Variants in RIN2 observed in about 807,000 individuals in gnomAD.
RIN2 encodes the protein RAB5 interacting protein 2.
A neutral mutation model predicts 78.0 loss-of-function variants in RIN2; 36 were observed. The observed-to-expected ratio is 0.46, with a 90% CI of 0.35 to 0.61. The LOEUF (loss-of-function observed/expected upper bound fraction) is 0.61. Among genes scored for constraint, RIN2 ranks in the 20% least tolerant of loss-of-function variants. RIN2 has a pLI of 0.00. For synonymous variants in RIN2, 466 were observed against 466.8 expected, an observed-to-expected ratio of 1.00 and a Z score of 0.02; for missense variants, 1,087 against 1,159.7, an observed-to-expected ratio of 0.94 and a Z score of 0.91.
At chr20:19,842,188 A>G (rs934037129) in intron 2 of RIN2, among the ~76,000 whole-genome samples, 4 of 145,890 alleles carry the variant, frequency 2.7e-5, no homozygotes, top group African/African-American at 7.6e-5. Context: ...ATGACAGCAC[A>G]TCTGCTTTTT....
At position 19,928,610 on chromosome 20, in the gene RIN2, C is replaced by G. The variant is rs544021737; in HGVS notation, c.58-6489C>G. 3.0e-4 allele frequency among the ~76,000 whole-genome samples: 45 copies of G among 152,328 alleles called. 1 individual carries two copies. The highest frequency in any genetic ancestry group is 2.0e-3 in the Admixed American group (30 of 15,310). Reference sequence around the variant, plus strand: ...CCAGGCCCAGCCCTGGGTGTGACCTCAAAGGGCTGGGAAAGAACTTGGGCC... The same window carrying G: ...CCAGGCCCAGCCCTGGGTGTGACCTGAAAGGGCTGGGAAAGAACTTGGGCC... On this transcript the variant is annotated intron_variant, in intron 3 of 12. Transcript: ENST00000255006.
At chr20:19,796,879 AT>A (rs2035073461) in intron 1 of RIN2, among the ~76,000 whole-genome samples, 1 of 152,180 alleles carries the variant, frequency 6.6e-6, no homozygotes, top group Non-Finnish European at 1.5e-5. Flanking sequence ...ATAAACTGAG[AT>A]TGTTGCAAGG....
chr20:19,992,891 GA>G (rs1415372876), intron 11 of RIN2, among the ~76,000 whole-genome samples: 2 of 152,068 alleles, frequency 1.3e-5, no homozygotes, highest in Non-Finnish European at 2.9e-5. Context: ...TTTTCAAGGT[GA>G]AAACAGTATT....
chr20:19,779,440 A>T lies in RIN2; in HGVS notation c.-162-20182A>T, dbSNP rs181938614. ...AGAGATCATCTCAACTCATTCTTAC[A>T]GCACAGTCCTCAGGGCACGGGTCAC... On this transcript the variant is annotated intron_variant, in intron 1 of 12. Coordinates refer to ENST00000255006, the MANE Select transcript of RIN2 (RefSeq NM_018993.4). 1.9e-3 allele frequency among the ~76,000 whole-genome samples: 282 copies of T among 152,280 alleles called. 3 individuals are homozygous for T. The highest frequency in any genetic ancestry group is 9.6e-4 in the Non-Finnish European group (65 of 68,010).
intron 2 of RIN2, among the ~76,000 whole-genome samples, chr20:19,885,723 G>A (rs1288269731): frequency 1.3e-5 from 2 of 151,436 alleles, no homozygotes; most frequent in East Asian, 1.9e-4. Context: ...GAAAATTTTC[G>A]AAGACAGGAG....
intron 4 of RIN2, among the ~76,000 whole-genome samples, chr20:19,954,714 T>C (rs1208449879): frequency 6.6e-6 from 1 of 151,038 alleles, no homozygotes; most frequent in Admixed American, 6.6e-5. Context: ...CTCACCCCTG[T>C]GTCCCTCACC....
intron 2 of RIN2, among the ~76,000 whole-genome samples, chr20:19,868,623 G>A (rs932293627): frequency 6.6e-6 from 1 of 152,130 alleles, no homozygotes; most frequent in South Asian, 2.1e-4. Flanking sequence ...ATCCTGTAGG[G>A]GCACACAGCC....
chr20:19,886,566 G>T (rs1360575911), intron 2 of RIN2: 4 of 650,018 alleles, frequency 6.2e-6, no homozygotes, highest in African/African-American at 3.8e-5. Flanking sequence ...CCAAATGTTT[G>T]CAGTGTCCTT....
In RIN2 at chr20:20,000,693, T is replaced by G. The variant is rs370388173; in HGVS notation, c.2445T>G (p.Thr815=). 34 of 1,613,836 alleles carry G rather than the reference T, an allele frequency of 2.1e-5. No individual in the cohort carries two copies. The highest frequency in any genetic ancestry group is 2.6e-5 in the Non-Finnish European group (31 of 1,179,852). The change falls in exon 13 of 13, where the codon ACT becomes ACG. Residue 815 remains threonine, a synonymous_variant. Coordinates refer to ENST00000255006, the MANE Select transcript of RIN2 (RefSeq NM_018993.4). The part of the protein sequence containing the change: ...KTLLVRPYIT[T]EDVCQICAEK... ...TCCTTGTGAGACCTTACATCACCAC[T>G]GAGGATGTGTGTCAGATCTGCGCTG...
At chr20:19,900,702 G>A (rs373449789) in intron 3 of RIN2, among the ~76,000 whole-genome samples, 2 of 151,772 alleles carry the variant, frequency 1.3e-5, no homozygotes, top group Non-Finnish European at 2.9e-5. Flanking sequence ...TGTAATCCCA[G>A]CACTTTGGGA....
At chr20:19,859,869 T>G (rs943182847) in intron 2 of RIN2, among the ~76,000 whole-genome samples, 4 of 152,136 alleles carry the variant, frequency 2.6e-5, no homozygotes, top group African/African-American at 7.2e-5. Context: ...TGGATTCAAG[T>G]GCAAGTGGTT....
intron 3 of RIN2, among the ~76,000 whole-genome samples, chr20:19,894,397 T>A (rs1292997860): frequency 1.3e-5 from 2 of 152,092 alleles, no homozygotes; most frequent in Non-Finnish European, 2.9e-5. Context: ...TTTAAAAAAA[T>A]TTTTTTAAAT....
intron 2 of RIN2, among the ~76,000 whole-genome samples, chr20:19,865,488 C>CTT (rs58947389): frequency 0.014 from 1,963 of 135,814 alleles, 70 homozygotes; most frequent in African/African-American, 0.047. Flanking sequence ...TACTTTCTTT[C>CTT]TTTTTTTTTT....
chr20:19,836,589 A>G (rs1348458223), intron 2 of RIN2, among the ~76,000 whole-genome samples: 1 of 152,092 alleles, frequency 6.6e-6, no homozygotes, highest in Non-Finnish European at 1.5e-5. Context: ...CAATTAGGAG[A>G]CCATGAGCTC....
At chr20:19,793,960 T>C (rs6046326) in intron 1 of RIN2, among the ~76,000 whole-genome samples, 30,191 of 152,072 alleles carry the variant, frequency 0.2, 4,502 homozygotes, top group African/African-American at 0.42. Flanking sequence ...GGTCCAGTCA[T>C]GAAGATAACA....
At chr20:19,914,451 G>A (rs1226848086) in intron 3 of RIN2, among the ~76,000 whole-genome samples, 2 of 152,182 alleles carry the variant, frequency 1.3e-5, no homozygotes. Flanking sequence ...CCATCAGAAG[G>A]ACATTGCATC....
At position 19,975,595 on chromosome 20, in the gene RIN2, G is replaced by A. The variant is rs774705374; in HGVS notation, c.1570G>A (p.Asp524Asn). The change falls in exon 9 of 13, where the codon GAC becomes AAC. Residue 524 changes from aspartate to asparagine, a missense_variant. Transcript: ENST00000255006. This position sits in a 1 kb window ranked among gnomAD's most constrained non-coding sequence, Gnocchi z 4.9. The stretch of plus-strand genomic sequence containing the variant: ...CCGCAGGATCGCCGAGCTTTCCCGG[G>A]ACAAATGCACCTACTTCGGGTGCTT... The part of the protein sequence containing the change: ...MVRRIAELSR[D>N]KCTYFGCLVQ... 10 of 1,613,870 alleles carry A rather than the reference G, an allele frequency of 6.2e-6. No individual in the cohort carries two copies. In the African/African-American group the frequency reaches 9.3e-5, roughly 15 times the overall value.
chr20:19,933,253 G>T (rs6112663), intron 3 of RIN2, among the ~76,000 whole-genome samples: 1 of 152,186 alleles, frequency 6.6e-6, no homozygotes, highest in East Asian at 1.9e-4. Flanking sequence ...GAAGACTCAA[G>T]GTGGTGAATA....
At position 19,889,630 on chromosome 20, in the gene RIN2, G is replaced by A. The variant is rs1261102768; in HGVS notation, c.29G>A (p.Gly10Asp). The A allele has an allele frequency of 6.5e-7, 1 of 1,544,878 alleles. No individual in the cohort carries two copies. Residue 10 changes from glycine (G) to aspartate (D), a missense_variant, in exon 3 of 13, where the codon GGT becomes GAT. Transcript: ENST00000255006. MTAWTMGAR[G>D]LDKRGSFFKL... ...ACAGCTTGGACCATGGGCGCCCGCG[G>A]TCTGGACAAGCGAGGAAGTTTCTTT...
Sources: gnomAD v4.1 joint callset for allele counts (sites outside exome capture counted in the v4.1 genomes callset) on GRCh38, gnomAD v4.1.1 for gene constraint, Gnocchi (gnomAD v3.1) non-coding constraint, MANE v1.5 for transcripts, NCBI Gene and HGNC (gene_info 2026-07-23, HGNC 2026-07-21) for gene names.